UBAC2: variants seen among roughly 807,000 people sequenced by gnomAD.
UBAC2 encodes UBA domain containing 2, also known as ubiquitin-associated domain-containing protein 2.
A neutral mutation model predicts 44.0 loss-of-function variants in UBAC2; 26 were observed. That is an observed-to-expected ratio of 0.59 (90% CI 0.43 to 0.82). The LOEUF is 0.82. Ranked by LOEUF, UBAC2 falls within the 40% of genes least tolerant of loss-of-function variation. UBAC2 has a pLI of 0.00. For missense variants in UBAC2, 329 were observed against 419.4 expected (o/e 0.78, Z 1.88); for synonymous variants, 155 against 154.3 (o/e 1.00, Z -0.04).
chr13:99,214,981 CTTTTTGTTTTT>C (rs1259851969), intron 1 of UBAC2, among the ~76,000 whole-genome samples: 1 of 150,484 alleles, frequency 6.6e-6, no homozygotes, highest in African/African-American at 2.4e-5. Context: ...CAGTTCTTTT[CTTTTTGTTTTT>C]TTTTTTTCTT....
intron 1 of UBAC2, among the ~76,000 whole-genome samples, chr13:99,229,706 A>T (rs988195776): frequency 2.0e-5 from 3 of 152,224 alleles, no homozygotes; most frequent in Non-Finnish European, 2.9e-5. Flanking sequence ...AATGGGGAAA[A>T]TTTGGATTGT....
intron 8 of UBAC2, among the ~76,000 whole-genome samples, chr13:99,380,489 A>C (rs76190203): frequency 6.6e-6 from 1 of 152,120 alleles, no homozygotes. Flanking sequence ...TCCAGTTCTT[A>C]CTGTCTATAT....
At chr13:99,248,296 T>G (rs571854301) in intron 4 of UBAC2, among the ~76,000 whole-genome samples, 5 of 152,160 alleles carry the variant, frequency 3.3e-5, no homozygotes, top group Non-Finnish European at 7.4e-5. Flanking sequence ...AGATCATAGC[T>G]CACTGTCACC....
chr13:99,367,872 C>A lies in UBAC2; in HGVS notation c.893C>A (p.Pro298Gln). ...VNYQGGRQSE[P>Q]AAPPLEVSEE... ...TATCAGGGCGGTCGGCAGTCTGAGCCAGCAGCGCCCCCTCTAGAAGTTTCT... is the reference window on the plus strand; with the variant it reads ...TATCAGGGCGGTCGGCAGTCTGAGCAAGCAGCGCCCCCTCTAGAAGTTTCT... Residue 298 changes from proline (P) to glutamine (Q), a missense_variant, in exon 8 of 9, where the codon CCA becomes CAA. Physicochemically the swap from Pro to Gln is moderately conservative, Grantham distance 76 (BLOSUM62 -1). Coordinates refer to ENST00000403766, the MANE Select transcript of UBAC2 (RefSeq NM_001144072.2). The A allele has an allele frequency of 1.2e-6, 2 of 1,613,958 alleles. No homozygotes were observed. Among genetic ancestry groups the A allele is most frequent in the Non-Finnish European group, 1.7e-6 (2 of 1,179,862 alleles).
At chr13:99,230,509 C>A (rs9517654) in intron 1 of UBAC2, among the ~76,000 whole-genome samples, 1 of 151,904 alleles carries the variant, frequency 6.6e-6, no homozygotes, top group African/African-American at 2.4e-5. Context: ...ATTTATTATC[C>A]TACAGTTTGG....
chr13:99,245,417 C>T (rs910370341), intron 4 of UBAC2, among the ~76,000 whole-genome samples: 5 of 152,170 alleles, frequency 3.3e-5, no homozygotes, highest in African/African-American at 9.7e-5. Context: ...AGACAACCTG[C>T]CGTGGCCAAC....
intron 4 of UBAC2, among the ~76,000 whole-genome samples, chr13:99,274,692 A>G (rs1190195548): frequency 6.7e-6 from 1 of 150,150 alleles, no homozygotes; most frequent in African/African-American, 2.4e-5. Context: ...AAATACTGTT[A>G]TTATGAATAT....
At chr13:99,277,430 C>A (rs2043898428) in intron 4 of UBAC2, among the ~76,000 whole-genome samples, 1 of 152,076 alleles carries the variant, frequency 6.6e-6, no homozygotes, top group Non-Finnish European at 1.5e-5. Flanking sequence ...GAGGCTGAGG[C>A]AGGAGAATCG....
At chr13:99,352,478 G>A (rs1244254854) in intron 7 of UBAC2, among the ~76,000 whole-genome samples, 1 of 152,164 alleles carries the variant, frequency 6.6e-6, no homozygotes, top group African/African-American at 2.4e-5. Context: ...ACGTTTCTGA[G>A]GTTGACGCAT....
chr13:99,314,937 C>T (rs1027165939), intron 5 of UBAC2: 1 of 152,262 alleles, frequency 6.6e-6, no homozygotes, highest in Non-Finnish European at 1.5e-5. Flanking sequence ...TCTACAGCTT[C>T]CTGTGTCACC....
At chr13:99,272,119 T>G (rs1026078344) in intron 4 of UBAC2, among the ~76,000 whole-genome samples, 2 of 152,198 alleles carry the variant, frequency 1.3e-5, no homozygotes, top group Non-Finnish European at 2.9e-5. Flanking sequence ...CAGCTCTCTT[T>G]CCTTGAGCTG....
intron 1 of UBAC2, chr13:99,201,701 C>A: frequency 3.3e-6 from 3 of 919,584 alleles, no homozygotes; most frequent in Non-Finnish European, 4.9e-6. Flanking sequence ...TCTAATTTTG[C>A]AATTGCTTGT....
At chr13:99,324,713 G>A (rs1269784948) in intron 6 of UBAC2, among the ~76,000 whole-genome samples, 1 of 152,106 alleles carries the variant, frequency 6.6e-6, no homozygotes, top group South Asian at 2.1e-4. Context: ...CATGCACTGC[G>A]TAACAACGTT....
intron 1 of UBAC2, among the ~76,000 whole-genome samples, chr13:99,224,191 C>T (rs1276116748): frequency 6.6e-6 from 1 of 152,182 alleles, no homozygotes; most frequent in African/African-American, 2.4e-5. Flanking sequence ...CAGGAGCCTG[C>T]TGGCTTCTAG....
chr13:99,338,039 C>CTTTTTTT (rs747905404), intron 6 of UBAC2, among the ~76,000 whole-genome samples: 24 of 91,560 alleles, frequency 2.6e-4, no homozygotes, highest in African/African-American at 4.0e-4. Context: ...AACTTTTTTT[C>CTTTTTTT]TTTTTTTCTT....
chr13:99,220,708 A>G (rs1814375793), intron 1 of UBAC2, among the ~76,000 whole-genome samples: 1 of 151,886 alleles, frequency 6.6e-6, no homozygotes, highest in African/African-American at 2.4e-5. Flanking sequence ...CTTCTGTTTG[A>G]TCTCTGCTTG....
intron 1 of UBAC2, among the ~76,000 whole-genome samples, chr13:99,230,973 G>A (rs555219094): frequency 1.3e-5 from 2 of 151,976 alleles, no homozygotes; most frequent in African/African-American, 2.4e-5. Flanking sequence ...CGCTAAACCC[G>A]GTAGGCGGAG....
At chr13:99,359,618 A>C (rs2045236342) in intron 7 of UBAC2, among the ~76,000 whole-genome samples, 1 of 152,204 alleles carries the variant, frequency 6.6e-6, no homozygotes, top group Non-Finnish European at 1.5e-5. Flanking sequence ...CTTGGGGGCA[A>C]CTGGAAAGGG....
At chr13:99,201,276 T>C in intron 1 of UBAC2, 2 of 1,448,840 alleles carry the variant, frequency 1.4e-6, no homozygotes, top group Non-Finnish European at 1.8e-6. Flanking sequence ...GCGGAGCGTG[T>C]GCCGCGCTGA....
Sources: allele counts gnomAD v4.1 joint callset (sites outside exome capture counted in the v4.1 genomes callset), GRCh38; gene constraint gnomAD v4.1.1; transcripts MANE v1.5; gene names NCBI Gene and HGNC (gene_info 2026-07-23, HGNC 2026-07-21).